HSD17B12: variants seen among roughly 807,000 people sequenced by gnomAD.
The protein encoded by HSD17B12 is hydroxysteroid 17-beta dehydrogenase 12, also known as very-long-chain 3-oxoacyl-CoA reductase.
In HSD17B12, 32 loss-of-function variants were observed where a neutral mutation model predicts 39.3. The ratio of observed to expected loss-of-function variants is 0.81; its 90% confidence interval spans 0.61 to 1.09. The LOEUF (loss-of-function observed/expected upper bound fraction) is 1.09. HSD17B12 is among the 50% of genes least tolerant of loss of function. The probability of loss-of-function intolerance (pLI) is 0.00; values close to 1 mark genes in which losing one functional copy is unlikely to be tolerated. For missense variants in HSD17B12, 342 were observed against 382.9 expected (o/e 0.89, Z 0.89); for synonymous variants, 150 against 146.7 (o/e 1.02, Z -0.16).
At chr11:43,693,546 G>A (rs770215664) in intron 1 of HSD17B12, among the ~76,000 whole-genome samples, 3 of 152,132 alleles carry the variant, frequency 2.0e-5, no homozygotes, top group Non-Finnish European at 4.4e-5. Flanking sequence ...TAAGTTAGTT[G>A]ATCCAATATC....
At chr11:43,610,006 C>T in the HSD17B12 span, among the ~76,000 whole-genome samples, 1 of 152,112 alleles carries the variant, frequency 6.6e-6, no homozygotes, top group African/African-American at 2.4e-5. Flanking sequence ...TTCTGCAAGG[C>T]TGTTAGGGCG....
At chr11:43,659,254 A>C in the HSD17B12 span, among the ~76,000 whole-genome samples, 1 of 151,610 alleles carries the variant, frequency 6.6e-6, no homozygotes, top group Non-Finnish European at 1.5e-5. Flanking sequence ...GCGCAGTATT[A>C]GGGTGGGAGT....
chr11:43,691,590 C>T (rs1341987505), intron 1 of HSD17B12, among the ~76,000 whole-genome samples: 1 of 152,208 alleles, frequency 6.6e-6, no homozygotes, highest in African/African-American at 2.4e-5. Context: ...ATCTTACACT[C>T]ACTCTGGCGC....
chr11:43,651,065 A>G, the HSD17B12 span, among the ~76,000 whole-genome samples: 2 of 152,222 alleles, frequency 1.3e-5, no homozygotes, highest in Admixed American at 6.5e-5. Context: ...AAAAGACTAC[A>G]TATATCTACC....
At chr11:43,716,303 A>G (rs1950122562) in intron 1 of HSD17B12, among the ~76,000 whole-genome samples, 1 of 152,218 alleles carries the variant, frequency 6.6e-6, no homozygotes, top group Non-Finnish European at 1.5e-5. Context: ...TCTACTCTGT[A>G]GGAATTTTGT....
intron 6 of HSD17B12, among the ~76,000 whole-genome samples, chr11:43,828,746 G>A (rs929315938): frequency 6.6e-6 from 1 of 152,124 alleles, no homozygotes; most frequent in Non-Finnish European, 1.5e-5. Context: ...GAAATGCCTG[G>A]TATATTCATA....
chr11:43,664,275 T>C, the HSD17B12 span, among the ~76,000 whole-genome samples: 1 of 152,188 alleles, frequency 6.6e-6, no homozygotes, highest in East Asian at 1.9e-4. Flanking sequence ...ACAGACCATA[T>C]GTAGATTCAA....
At chr11:43,759,043 C>T (rs1467135295) in intron 3 of HSD17B12, among the ~76,000 whole-genome samples, 5 of 152,146 alleles carry the variant, frequency 3.3e-5, no homozygotes, top group Admixed American at 3.3e-4. Flanking sequence ...TTAGTTTAAC[C>T]AGGATAACTT....
upstream of HSD17B12, among the ~76,000 whole-genome samples, chr11:43,678,648 C>T (rs1226883388): frequency 2.0e-5 from 3 of 152,070 alleles, no homozygotes; most frequent in Non-Finnish European, 4.4e-5. Flanking sequence ...CAGCTTCCTA[C>T]ATATGGCTAG....
intron 3 of HSD17B12, among the ~76,000 whole-genome samples, chr11:43,775,468 A>G (rs1950691245): frequency 6.7e-6 from 1 of 148,634 alleles, no homozygotes; most frequent in South Asian, 2.2e-4. Context: ...AACTCTTTGA[A>G]CAAATAATTT....
At position 43,709,164 on chromosome 11, in the gene HSD17B12, C is replaced by T. The variant is rs745937353; in HGVS notation, c.160+28177C>T. Among the ~76,000 whole-genome samples, 3 of 152,036 alleles carry T rather than the reference C, an allele frequency of 2.0e-5. No homozygotes were observed. The East Asian group carries it at 5.8e-4, about 29-fold the overall frequency. ...TTTTTGAGACAGAGCCTTGCCCTGT[C>T]GCCCAGGCTGGAGTGCAGTGGCATG... On this transcript the variant is annotated intron_variant, in intron 1 of 10. Coordinates refer to ENST00000278353, the MANE Select transcript of HSD17B12 (RefSeq NM_016142.3).
chr11:43,765,272 A>G (rs1950585608), intron 3 of HSD17B12, among the ~76,000 whole-genome samples: 1 of 151,992 alleles, frequency 6.6e-6, no homozygotes, highest in Non-Finnish European at 1.5e-5. Context: ...TACATTTGAA[A>G]GGTATTTTCT....
At chr11:43,581,528 G>C in the HSD17B12 span, 1 of 459,028 alleles carries the variant, frequency 2.2e-6, no homozygotes, top group South Asian at 1.5e-5. This position sits in a 1 kb window ranked among gnomAD's most constrained non-coding sequence, Gnocchi z 4.9. Flanking sequence ...GCCGAAGCCC[G>C]CACCTTCCCG....
chr11:43,561,605 T>C, the HSD17B12 span, among the ~76,000 whole-genome samples: 2 of 152,174 alleles, frequency 1.3e-5, no homozygotes, highest in African/African-American at 4.8e-5. Context: ...TGAGGGACTT[T>C]GAGAGTTTTT....
At chr11:43,760,341 C>T (rs1183027061) in intron 3 of HSD17B12, among the ~76,000 whole-genome samples, 2 of 152,116 alleles carry the variant, frequency 1.3e-5, no homozygotes, top group Non-Finnish European at 2.9e-5. Context: ...TAAGCCACTG[C>T]GCCCAGCCCA....
intron 1 of HSD17B12, among the ~76,000 whole-genome samples, chr11:43,715,320 A>C (rs1440851381): frequency 6.6e-6 from 1 of 152,076 alleles, no homozygotes. Flanking sequence ...ATTTATTGAG[A>C]GTTTTTAGCA....
chr11:43,679,268 T>G (rs988830330), upstream of HSD17B12, among the ~76,000 whole-genome samples: 3 of 152,170 alleles, frequency 2.0e-5, no homozygotes, highest in Admixed American at 2.0e-4. Flanking sequence ...ATGCCTGTGA[T>G]TTTTGCACAT....
the HSD17B12 span, among the ~76,000 whole-genome samples, chr11:43,622,175 T>C: frequency 1.3e-5 from 2 of 152,140 alleles, no homozygotes; most frequent in African/African-American, 4.8e-5. Flanking sequence ...GAGGGTAATA[T>C]AGAGATGGAT....
At chr11:43,728,192 A>C (rs1264055304) in intron 1 of HSD17B12, among the ~76,000 whole-genome samples, 2 of 151,918 alleles carry the variant, frequency 1.3e-5, no homozygotes, top group Non-Finnish European at 2.9e-5. Context: ...CACCCTCCCA[A>C]GTAGCTGGGA....
Sources: gnomAD v4.1 joint callset for allele counts (sites outside exome capture counted in the v4.1 genomes callset) on GRCh38, gnomAD v4.1.1 for gene constraint, Gnocchi (gnomAD v3.1) non-coding constraint, MANE v1.5 for transcripts, NCBI Gene and HGNC (gene_info 2026-07-23, HGNC 2026-07-21) for gene names.